Variants in RHOBTB1 observed in about 807,000 individuals in gnomAD.
RHOBTB1 encodes the protein Rho related BTB domain containing 1.
A neutral mutation model predicts 71.6 loss-of-function variants in RHOBTB1; 40 were observed. The ratio of observed to expected loss-of-function variants is 0.56; its 90% CI spans 0.43 to 0.73. The LOEUF (loss-of-function observed/expected upper bound fraction) is 0.73. RHOBTB1 is among the 30% of genes least tolerant of loss of function. The probability of loss-of-function intolerance (pLI) is 0.00; values close to 1 mark genes in which losing one functional copy is unlikely to be tolerated. For synonymous variants in RHOBTB1, 319 were observed against 334.9 expected, an observed-to-expected ratio of 0.95 and a Z score of 0.52; for missense variants, 797 against 894.0, an observed-to-expected ratio of 0.89 and a Z score of 1.38.
intron 2 of RHOBTB1, among the ~76,000 whole-genome samples, chr10:60,934,363 A>T (rs186963822): frequency 6.6e-6 from 1 of 152,308 alleles, no homozygotes; most frequent in African/African-American, 2.4e-5. Context: ...TATCAAAGGA[A>T]CTAATACCTC....
At chr10:60,985,301 A>G (rs1417716332) in intron 2 of RHOBTB1, among the ~76,000 whole-genome samples, 1 of 152,238 alleles carries the variant, frequency 6.6e-6, no homozygotes, top group South Asian at 2.1e-4. Flanking sequence ...AAAAAACTCA[A>G]TAATGTGGAC....
intron 2 of RHOBTB1, among the ~76,000 whole-genome samples, chr10:60,964,424 C>T (rs773641552): frequency 2.0e-5 from 3 of 152,102 alleles, no homozygotes; most frequent in African/African-American, 4.8e-5. Context: ...CTCATCCAAT[C>T]AACTTGTATT....
At chr10:60,988,543 G>A (rs1228523042) in intron 1 of RHOBTB1, among the ~76,000 whole-genome samples, 1 of 151,944 alleles carries the variant, frequency 6.6e-6, no homozygotes, top group Non-Finnish European at 1.5e-5. Flanking sequence ...ACTCATAAGT[G>A]AGAATATACA....
chr10:60,893,545 T>C (rs1015405386), intron 4 of RHOBTB1, among the ~76,000 whole-genome samples: 1 of 152,168 alleles, frequency 6.6e-6, no homozygotes, highest in Non-Finnish European at 1.5e-5. Flanking sequence ...TAGCCACTTA[T>C]CTGTTTCCGA....
chr10:60,992,442 G>T (rs991528703), intron 1 of RHOBTB1, among the ~76,000 whole-genome samples: 1 of 152,082 alleles, frequency 6.6e-6, no homozygotes, highest in East Asian at 1.9e-4. Context: ...ATGCTGGAGG[G>T]GACACAAAGG....
intron 5 of RHOBTB1, among the ~76,000 whole-genome samples, chr10:60,889,928 C>T (rs74155406): frequency 0.014 from 2,166 of 152,286 alleles, 59 homozygotes; most frequent in African/African-American, 0.049. Flanking sequence ...TCACCTTCAC[C>T]TTTATCAACA....
intron 2 of RHOBTB1, among the ~76,000 whole-genome samples, chr10:60,951,582 A>T (rs1346751610): frequency 6.6e-6 from 1 of 152,224 alleles, no homozygotes; most frequent in African/African-American, 2.4e-5. Context: ...ACAATCACTT[A>T]GCTTGTAAAC....
chr10:61,001,884 G>A (rs1163845185), upstream of RHOBTB1, among the ~76,000 whole-genome samples: 1 of 152,212 alleles, frequency 6.6e-6, no homozygotes, highest in African/African-American at 2.4e-5. Flanking sequence ...TGGGACTTGC[G>A]GGGGCATCTC....
chr10:60,963,949 G>A (rs932229905), intron 2 of RHOBTB1, among the ~76,000 whole-genome samples: 3 of 152,040 alleles, frequency 2.0e-5, no homozygotes, highest in Non-Finnish European at 4.4e-5. Context: ...TCCAACTGAA[G>A]GGAAAAAACC....
chr10:60,999,770 T>C (rs1030896663), intron 1 of RHOBTB1, among the ~76,000 whole-genome samples: 1 of 152,258 alleles, frequency 6.6e-6, no homozygotes, highest in Non-Finnish European at 1.5e-5. Context: ...AGGGAATGTT[T>C]ATGGTTCAGA....
downstream of RHOBTB1, among the ~76,000 whole-genome samples, chr10:60,868,271 T>C (rs1344828425): frequency 8.5e-5 from 13 of 152,180 alleles, no homozygotes; most frequent in Admixed American, 8.5e-4. Flanking sequence ...CATCTATCTA[T>C]CTGTCTATCT....
intron 4 of RHOBTB1, among the ~76,000 whole-genome samples, chr10:60,903,971 T>C (rs2082537503): frequency 6.7e-6 from 1 of 149,228 alleles, no homozygotes. Context: ...TTTTCTTTTC[T>C]TTTTTTTTTG....
At chr10:60,922,485 G>A (rs912010882) in intron 2 of RHOBTB1, among the ~76,000 whole-genome samples, 23 of 152,160 alleles carry the variant, frequency 1.5e-4, no homozygotes, top group African/African-American at 2.9e-4. Flanking sequence ...AAGGATTTCC[G>A]CCAAATTCAC....
intron 2 of RHOBTB1, among the ~76,000 whole-genome samples, chr10:60,917,867 T>G (rs1057310845): frequency 6.6e-6 from 1 of 152,130 alleles, no homozygotes; most frequent in East Asian, 1.9e-4. Flanking sequence ...AGACATCACC[T>G]CCCCTGGAAA....
chr10:60,902,437 A>C (rs2082455511), intron 4 of RHOBTB1, among the ~76,000 whole-genome samples: 1 of 152,180 alleles, frequency 6.6e-6, no homozygotes, highest in African/African-American at 2.4e-5. Context: ...CTATATAATT[A>C]TTCTTAAAAA....
At position 60,886,716 on chromosome 10, in the gene RHOBTB1, G is replaced by GT. The variant is rs1202311037; in HGVS notation, c.1457-487dup. On this transcript the variant is annotated intron_variant, in intron 6 of 10. Coordinates refer to ENST00000337910, the MANE Select transcript of RHOBTB1 (RefSeq NM_014836.5). The stretch of plus-strand genomic sequence containing the variant: ...CGAATTACTGTTTTTTTTAAGAGAT[G>GT]TGGGGGGGGGTGGGTCTGGCTATGT... Among the ~76,000 whole-genome samples the GT allele has an allele frequency of 7.0e-5, 9 of 128,260 alleles. No homozygotes were observed. The East Asian group carries it at 1.3e-3, about 19-fold the overall frequency. 84.1% of individuals were successfully genotyped at this position (128,260 alleles called of 152,430 possible).
At chr10:60,973,250 A>G (rs530375894) in intron 2 of RHOBTB1, among the ~76,000 whole-genome samples, 1 of 152,216 alleles carries the variant, frequency 6.6e-6, no homozygotes, top group South Asian at 2.1e-4. Flanking sequence ...CTCAGGGCAG[A>G]TAAGATTTTA....
At chr10:60,908,874 G>A (rs1325943118) in intron 4 of RHOBTB1, among the ~76,000 whole-genome samples, 1 of 152,200 alleles carries the variant, frequency 6.6e-6, no homozygotes. Context: ...AAGGCCCTAA[G>A]GAGAACGTGG....
chr10:60,989,202 AAGT>A (rs1265722529), intron 1 of RHOBTB1, among the ~76,000 whole-genome samples: 1 of 152,216 alleles, frequency 6.6e-6, no homozygotes, highest in African/African-American at 2.4e-5. Context: ...GAGAGAAAAA[AAGT>A]AGAAGTTGAT....
Sources: allele counts gnomAD v4.1 joint callset (sites outside exome capture counted in the v4.1 genomes callset), GRCh38; gene constraint gnomAD v4.1.1; transcripts MANE v1.5; gene names NCBI Gene and HGNC (gene_info 2026-07-23, HGNC 2026-07-21).